Variants in NOX4 observed in about 807,000 individuals in gnomAD.
NOX4 encodes the protein kidney oxidase-1.
In NOX4, 69 loss-of-function variants were observed where a neutral mutation model predicts 87.6. The ratio of observed to expected loss-of-function variants is 0.79; its 90% CI spans 0.65 to 0.96. The LOEUF is 0.96. NOX4 is among the 40% of genes least tolerant of loss of function. The pLI, the probability that NOX4 is intolerant of heterozygous loss-of-function variation, is 0.00. For missense variants in NOX4, 680 were observed against 681.5 expected (o/e 1.00, Z 0.02); for synonymous variants, 275 against 238.2 (o/e 1.15, Z -1.42).
At chr11:89,437,600 G>A (rs1213069369) in intron 6 of NOX4, among the ~76,000 whole-genome samples, 1 of 151,970 alleles carries the variant, frequency 6.6e-6, no homozygotes. Flanking sequence ...CCAAAATGGT[G>A]CTAATTTGCT....
chr11:89,493,754 A>G (rs1037313613), upstream of NOX4, among the ~76,000 whole-genome samples: 32 of 145,396 alleles, frequency 2.2e-4, no homozygotes, highest in African/African-American at 7.8e-4. Context: ...TATTATTATT[A>G]TTATTATTAT....
At chr11:89,587,498 A>T in the NOX4 span, among the ~76,000 whole-genome samples, 4 of 152,006 alleles carry the variant, frequency 2.6e-5, no homozygotes, top group African/African-American at 9.7e-5. Flanking sequence ...TGCGTTCCAG[A>T]TGAACGCAAT....
Position 89,381,479 on chromosome 11 carries a change from C to G in NOX4, c.1075-7987G>C, listed in dbSNP as rs565504490. Among the ~76,000 whole-genome samples the G allele has an allele frequency of 1.6e-3, 237 of 152,182 alleles. 1 individual carries two copies. Among genetic ancestry groups the G allele is most frequent in the African/African-American group, 5.5e-3 (227 of 41,526 alleles). On this transcript the variant is annotated intron_variant, in intron 11 of 17. Transcript: ENST00000263317. ...AGCACTTTGTGACCCCCATCCCTGCCTGCCAGAGAACAACCCCCTTTAACT... is the reference window on the plus strand; with the variant it reads ...AGCACTTTGTGACCCCCATCCCTGCGTGCCAGAGAACAACCCCCTTTAACT...
At chr11:89,523,735 T>A in the NOX4 span, among the ~76,000 whole-genome samples, 34 of 152,230 alleles carry the variant, frequency 2.2e-4, no homozygotes, top group African/African-American at 8.2e-4. Flanking sequence ...ACTCCATCAA[T>A]GAGTGAAGAG....
At chr11:89,412,068 G>C (rs1340727866) in intron 8 of NOX4, among the ~76,000 whole-genome samples, 1 of 151,982 alleles carries the variant, frequency 6.6e-6, no homozygotes, top group South Asian at 2.1e-4. Context: ...CATAAGAAGA[G>C]ACCAAAAAAA....
intron 11 of NOX4, among the ~76,000 whole-genome samples, chr11:89,373,993 A>G (rs1347982428): frequency 1.3e-5 from 2 of 151,974 alleles, no homozygotes; most frequent in Non-Finnish European, 2.9e-5. Context: ...CCCTCCCTTA[A>G]TTCTCAGAAG....
chr11:89,546,589 A>C, the NOX4 span: 3 of 152,334 alleles, frequency 2.0e-5, no homozygotes, highest in East Asian at 3.9e-4. Context: ...TTGCTATAAC[A>C]TAATACCACG....
At chr11:89,584,334 A>C in the NOX4 span, among the ~76,000 whole-genome samples, 6 of 152,282 alleles carry the variant, frequency 3.9e-5, no homozygotes, top group East Asian at 7.7e-4. Context: ...TGCCCCGATC[A>C]CATTCCCTGT....
At chr11:89,435,261 T>C (rs1189461630) in intron 6 of NOX4, among the ~76,000 whole-genome samples, 1 of 152,022 alleles carries the variant, frequency 6.6e-6, no homozygotes, top group Non-Finnish European at 1.5e-5. Flanking sequence ...TAGTGTGAAA[T>C]TATAGTTAGA....
chr11:89,557,605 A>G, the NOX4 span, among the ~76,000 whole-genome samples: 1 of 152,130 alleles, frequency 6.6e-6, no homozygotes, highest in Non-Finnish European at 1.5e-5. Context: ...ACAAGAGAAA[A>G]ACAGGTTTTA....
chr11:89,559,733 G>T, the NOX4 span, among the ~76,000 whole-genome samples: 1 of 151,950 alleles, frequency 6.6e-6, no homozygotes. Flanking sequence ...GCTGTGTTTG[G>T]CAACTGGCTT....
chr11:89,479,501 G>A (rs1376887211), intron 2 of NOX4, among the ~76,000 whole-genome samples: 1 of 151,912 alleles, frequency 6.6e-6, no homozygotes, highest in Non-Finnish European at 1.5e-5. Context: ...AAAACACTCA[G>A]CTATATAAAA....
chr11:89,434,674 A>AT (rs1257819645), intron 6 of NOX4, among the ~76,000 whole-genome samples: 1 of 148,290 alleles, frequency 6.7e-6, no homozygotes, highest in Non-Finnish European at 1.5e-5. Flanking sequence ...ATAGCTACTT[A>AT]TTTTTAACAG....
intron 6 of NOX4, among the ~76,000 whole-genome samples, chr11:89,438,463 T>A (rs1260056249): frequency 1.2e-5 from 1 of 80,808 alleles, no homozygotes; most frequent in Non-Finnish European, 1.9e-5. Flanking sequence ...ATATACAGCA[T>A]ATATATTATA....
At chr11:89,327,566 C>T (rs1156367697) in intron 17 of NOX4, among the ~76,000 whole-genome samples, 1 of 151,944 alleles carries the variant, frequency 6.6e-6, no homozygotes, top group African/African-American at 2.4e-5. Flanking sequence ...AAATAAATCC[C>T]AGGAAATAAA....
the NOX4 span, among the ~76,000 whole-genome samples, chr11:89,560,994 C>CTATATA: frequency 2.9e-4 from 17 of 59,410 alleles, no homozygotes; most frequent in South Asian, 6.1e-4. Flanking sequence ...CTCTCTCTCT[C>CTATATA]TCTATATATA....
chr11:89,434,924 A>G (rs1483161641), intron 6 of NOX4, among the ~76,000 whole-genome samples: 7 of 152,092 alleles, frequency 4.6e-5, no homozygotes, highest in Non-Finnish European at 8.8e-5. Flanking sequence ...AATTCACACT[A>G]TTCTTCAGTG....
the NOX4 span, among the ~76,000 whole-genome samples, chr11:89,527,213 T>C: frequency 3.3e-5 from 5 of 152,122 alleles, no homozygotes; most frequent in African/African-American, 7.2e-5. Context: ...CAAGAGATGA[T>C]TTGGGTGCTC....
Position 89,426,750 on chromosome 11 carries a change from A to T in NOX4, c.549-4768T>A, listed in dbSNP as rs184473805. Among the ~76,000 whole-genome samples, 199 of 152,262 alleles carry T rather than the reference A, an allele frequency of 1.3e-3. 3 individuals are homozygous for T. The highest frequency in any genetic ancestry group is 0.012 in the South Asian group (57 of 4,816). On this transcript the variant is annotated intron_variant, in intron 7 of 17. Coordinates refer to ENST00000263317, the MANE Select transcript of NOX4 (RefSeq NM_016931.5). Reference sequence around the variant, plus strand: ...ATGCTCAAACTGGGTGGAGCCCACCACAGCTCAATGAGGACTGCCTGCCTC... The same window carrying T: ...ATGCTCAAACTGGGTGGAGCCCACCTCAGCTCAATGAGGACTGCCTGCCTC...
Sources: allele counts gnomAD v4.1 joint callset (sites outside exome capture counted in the v4.1 genomes callset), GRCh38; gene constraint gnomAD v4.1.1; transcripts MANE v1.5; gene names NCBI Gene and HGNC (gene_info 2026-07-23, HGNC 2026-07-21).